Variants in UNG observed in about 807,000 individuals in gnomAD.
UNG encodes uracil DNA glycosylase, also known as uracil-DNA glycosylase.
UNG carries 34 observed loss-of-function variants against 36.5 expected under a neutral mutation model. That is an observed-to-expected ratio of 0.93 (90% CI 0.71 to 1.24). UNG has a LOEUF of 1.24. Among genes scored for constraint, UNG ranks in the 50% most tolerant of loss-of-function variants. UNG has a pLI of 0.00. For synonymous variants in UNG, 172 were observed against 157.8 expected (o/e 1.09, Z -0.67); for missense variants, 391 against 397.6 (o/e 0.98, Z 0.14).
intron 6 of UNG, among the ~76,000 whole-genome samples, chr12:109,107,278 G>A (rs984877995): frequency 1.3e-5 from 2 of 152,074 alleles, no homozygotes; most frequent in Non-Finnish European, 2.9e-5. Flanking sequence ...TCAACTCACT[G>A]CGGCCTCAAC....
rs745760429 is a variant in UNG, at chr12:109,101,956, G to T, written c.490G>T (p.Gly164Trp). 2 of 1,613,968 alleles carry T rather than the reference G, an allele frequency of 1.2e-6. No homozygotes were observed. The highest frequency in any genetic ancestry group is 1.7e-6 in the Non-Finnish European group (2 of 1,179,960). ...DPYHGPNQAH[G>W]LCFSVQRPVP... ...ATATCATGGACCTAATCAAGCTCAC[G>T]GGCTCTGCTTTAGTGTTCAAAGGCC... The change falls in exon 4 of 7, where the codon GGG (glycine) becomes TGG (tryptophan). Residue 164 changes from glycine to tryptophan, a missense_variant. Coordinates refer to ENST00000242576, the MANE Select transcript of UNG (RefSeq NM_080911.3).
intron 3 of UNG, among the ~76,000 whole-genome samples, chr12:109,101,485 C>T (rs1266122389): frequency 2.0e-5 from 3 of 151,888 alleles, no homozygotes; most frequent in African/African-American, 7.2e-5. Flanking sequence ...GAGGGAGGAT[C>T]CCTTGATCTC....
chr12:109,106,445 T>C (rs2042215525), intron 6 of UNG, among the ~76,000 whole-genome samples: 1 of 152,104 alleles, frequency 6.6e-6, no homozygotes, highest in East Asian at 1.9e-4. Flanking sequence ...AGTGATTTGT[T>C]CGTTAGTTTT....
intron 4 of UNG, among the ~76,000 whole-genome samples, chr12:109,102,273 C>G (rs762270531): frequency 3.3e-5 from 5 of 152,146 alleles, no homozygotes; most frequent in Non-Finnish European, 7.3e-5. Flanking sequence ...AATGTGCAGA[C>G]ATTGCCAAAA....
chr12:109,102,046 A>G, intron 4 of UNG, 47 bp downstream of exon 4: 1 of 1,542,012 alleles, frequency 6.5e-7, no homozygotes, highest in East Asian at 2.2e-5. Flanking sequence ...GATTCCTTTC[A>G]GATGTGTACT....
rs767034552 is a variant in UNG, at chr12:109,098,559, C to A, written c.260C>A (p.Ala87Asp). 4.3e-6 allele frequency: 7 copies of A among 1,613,248 alleles called. No homozygotes were observed. Among genetic ancestry groups the A allele is most frequent in the Non-Finnish European group, 5.9e-6 (7 of 1,179,966 alleles). Reference sequence around the variant, plus strand: ...GCCGCGGCCCTGCTCAGACTCGCGGCCCGCAACGTGCCCGTGGGCTTTGGA... The same window carrying A: ...GCCGCGGCCCTGCTCAGACTCGCGGACCGCAACGTGCCCGTGGGCTTTGGA... Reference protein sequence around the residue: ...NKAAALLRLAARNVPVGFGES... With the variant: ...NKAAALLRLADRNVPVGFGES... The change falls in exon 2 of 7, where the codon GCC (alanine) becomes GAC (aspartate). Residue 87 changes from alanine to aspartate, a missense_variant. By Grantham distance (126) the Ala-to-Asp change is moderately radical. Coordinates refer to ENST00000242576, the MANE Select transcript of UNG (RefSeq NM_080911.3).
At chr12:109,101,005 C>G (rs1261299353) in intron 3 of UNG, among the ~76,000 whole-genome samples, 1 of 152,034 alleles carries the variant, frequency 6.6e-6, no homozygotes, top group African/African-American at 2.4e-5. Context: ...CACCTACTCC[C>G]ATGGCCCTTT....
Position 109,110,111 on chromosome 12 carries a change from G to A in UNG, c.*142G>A, listed in dbSNP as rs2042250185. Reference sequence around the variant, plus strand: ...CCAGAAAGCAGCCATGAACCAGGCTGTCCAGGAATGGCAGCTGTATCCAAC... The same window carrying A: ...CCAGAAAGCAGCCATGAACCAGGCTATCCAGGAATGGCAGCTGTATCCAAC... On this transcript the variant is annotated 3_prime_UTR_variant, in exon 7 of 7. Transcript: ENST00000242576. The A allele has an allele frequency of 3.5e-6, 4 of 1,132,838 alleles. No individual in the cohort carries two copies. Among genetic ancestry groups the A allele is most frequent in the South Asian group, 2.7e-5 (2 of 73,826 alleles). The allele number at this position is 1,132,838 out of a possible 1,614,324, so 70.2% of individuals were successfully genotyped here.
chr12:109,102,076 C>A, intron 4 of UNG, 77 bp downstream of exon 4: 2 of 1,306,026 alleles, frequency 1.5e-6, no homozygotes, highest in Non-Finnish European at 2.2e-6. Context: ...ACAAGTGGGA[C>A]TATCTGGGGC....
Position 109,109,902 on chromosome 12 carries a change from A to G in UNG, c.875A>G (p.His292Arg). ...TATAGAGGGTTCTTTGGATGTAGAC[A>G]CTTTTCAAAGACCAATGAGCTGCTG... Reference protein sequence around the residue: ...SVYRGFFGCRHFSKTNELLQK... With the variant: ...SVYRGFFGCRRFSKTNELLQK... Residue 292 changes from histidine to arginine, a missense_variant, in exon 7 of 7, where the codon CAC (histidine) becomes CGC (arginine). Transcript: ENST00000242576. The G allele has an allele frequency of 3.1e-6, 5 of 1,614,106 alleles. No homozygotes were observed. The highest frequency in any genetic ancestry group is 1.3e-5 in the African/African-American group (1 of 75,032).
At chr12:109,098,197 G>T (rs1207093904) in intron 1 of UNG, 4 of 1,429,358 alleles carry the variant, frequency 2.8e-6, no homozygotes, top group Admixed American at 2.8e-5. Flanking sequence ...TCACCGCGAC[G>T]CTCCTCGGGA....
intron 6 of UNG, among the ~76,000 whole-genome samples, chr12:109,104,055 G>GTTTTTTGTTTTTT (rs113097970): frequency 0.17 from 25,324 of 147,758 alleles, 2,109 homozygotes; most frequent in East Asian, 0.31. Context: ...TTGTTTCTGG[G>GTTTTTTGTTTTTT]TTTTTTGTTT....
chr12:109,101,123 T>C (rs925104559), intron 3 of UNG, among the ~76,000 whole-genome samples: 3 of 138,656 alleles, frequency 2.2e-5, no homozygotes, highest in African/African-American at 8.1e-5. Flanking sequence ...TTTTTTTTTT[T>C]TTTTTTTTTT....
At position 109,110,098 on chromosome 12, in the gene UNG, C is replaced by T. The variant is rs2042250000; in HGVS notation, c.*129C>T. The T allele has an allele frequency of 7.5e-6, 10 of 1,336,756 alleles. No homozygotes were observed. Among genetic ancestry groups the T allele is most frequent in the Non-Finnish European group, 1.0e-5 (10 of 962,874 alleles). The allele number at this position is 1,336,756 out of a possible 1,614,324, so 82.8% of individuals were successfully genotyped here. ...GGGGGAAAAGCTTCCAGAAAGCAGC[C>T]ATGAACCAGGCTGTCCAGGAATGGC... On this transcript the variant is annotated 3_prime_UTR_variant, in exon 7 of 7. Transcript: ENST00000242576.
intron 6 of UNG, among the ~76,000 whole-genome samples, chr12:109,108,500 C>T (rs1301806836): frequency 6.6e-6 from 1 of 152,084 alleles, no homozygotes; most frequent in Non-Finnish European, 1.5e-5. Context: ...GGTGTAGTGG[C>T]ACGCACCTGT....
rs148650726 is a variant in UNG at position 109,108,854 on chromosome 12, A to G, written c.802-975A>G. 4.1e-3 allele frequency among the ~76,000 whole-genome samples: 625 copies of G among 151,222 alleles called. 2 individuals are homozygous for G. The highest frequency in any genetic ancestry group is 0.017 in the Middle Eastern group (5 of 292). Reference sequence around the variant, plus strand: ...GCTATGTTGCCTCAGTTGGTTGTAAACTCTTGGTCCCATGCAGTTGTCCTA... The same window carrying G: ...GCTATGTTGCCTCAGTTGGTTGTAAGCTCTTGGTCCCATGCAGTTGTCCTA... On this transcript the variant is annotated intron_variant, in intron 6 of 6. Transcript: ENST00000242576.
intron 6 of UNG, 48 bp downstream of exon 6, chr12:109,103,659 A>C (rs2042196497): frequency 6.5e-7 from 1 of 1,529,304 alleles, no homozygotes; most frequent in African/African-American, 1.4e-5. Flanking sequence ...TAACACTATA[A>C]AAACAATGTA....
rs758619136 is a variant in UNG at position 109,098,572 on chromosome 12, C to T, written c.273C>T (p.Pro91=). 3 of 1,613,384 alleles carry T rather than the reference C, an allele frequency of 1.9e-6. No homozygotes were observed. Among genetic ancestry groups the T allele is most frequent in the South Asian group, 2.2e-5 (2 of 91,076 alleles). ...ALLRLAARNV[P]VGFGESWKKH... The stretch of plus-strand genomic sequence containing the variant: ...TCAGACTCGCGGCCCGCAACGTGCC[C>T]GTGGGCTTTGGAGAGAGCTGGAAGA... The change falls in exon 2 of 7, where the codon CCC becomes CCT. Residue 91 remains proline, a synonymous_variant. Coordinates refer to ENST00000242576, the MANE Select transcript of UNG (RefSeq NM_080911.3).
chr12:109,098,227 G>T (rs2135881810), intron 1 of UNG: 2 of 1,478,732 alleles, frequency 1.4e-6, no homozygotes. Flanking sequence ...GCGCCTCCCA[G>T]CCCGTCTCCC....
Sources: gnomAD v4.1 joint callset for allele counts (sites outside exome capture counted in the v4.1 genomes callset) on GRCh38, gnomAD v4.1.1 for gene constraint, MANE v1.5 for transcripts, NCBI Gene and HGNC (gene_info 2026-07-23, HGNC 2026-07-21) for gene names.